The following WDR72 variants were observed in gnomAD, a reference collection of about 807,000 sequenced individuals.
The protein encoded by WDR72 is WD repeat domain 72.
A neutral mutation model predicts 124.2 loss-of-function variants in WDR72; 120 were observed. The observed-to-expected ratio is 0.97, with a 90% confidence interval of 0.83 to 1.12. The LOEUF (loss-of-function observed/expected upper bound fraction) is 1.12. Among genes scored for constraint, WDR72 ranks in the 50% most tolerant of loss-of-function variants. The pLI, the probability that WDR72 is intolerant of heterozygous loss-of-function variation, is 0.00. For missense variants in WDR72, 1,387 were observed against 1,278.8 expected (o/e 1.08, Z -1.29); for synonymous variants, 452 against 441.7 (o/e 1.02, Z -0.29).
chr15:53,702,521 GCCTCACCA>G (rs2017215550), intron 11 of WDR72, among the ~76,000 whole-genome samples, 167 bp from the exon 12 acceptor site: 1 of 152,162 alleles, frequency 6.6e-6, no homozygotes, highest in Non-Finnish European at 1.5e-5. Flanking sequence ...AAAAACAAGT[GCCTCACCA>G]GAAGCCAGAG....
intron 1 of WDR72, among the ~76,000 whole-genome samples, chr15:53,748,191 T>A (rs933589611): frequency 2.6e-5 from 4 of 152,150 alleles, no homozygotes; most frequent in African/African-American, 9.7e-5. Context: ...TTTAACTAAG[T>A]ATTCATGCTA....
At position 53,608,861 on chromosome 15, in the gene WDR72, G is replaced by A. The variant is rs557054261; in HGVS notation, c.2952+652C>T. On this transcript the variant is annotated intron_variant, in intron 17 of 19. Transcript: ENST00000360509. ...TAGCAGAGGCTGGGAAGGGTAGTGT[G>A]GGATAGAGGTAGGTGGGGATGATTA... is the stretch of plus-strand genomic sequence containing the variant. 1.1e-4 allele frequency among the ~76,000 whole-genome samples: 17 copies of A among 152,052 alleles called. No individual in the cohort carries two copies. In the South Asian group the frequency reaches 3.3e-3, roughly 30 times the overall value.
intron 14 of WDR72, among the ~76,000 whole-genome samples, chr15:53,622,944 C>T (rs983315575): frequency 6.6e-6 from 1 of 151,902 alleles, no homozygotes; most frequent in Non-Finnish European, 1.5e-5. Context: ...TTCACAAGAT[C>T]AATAATCAAA....
At chr15:53,630,897 T>G (rs551486514) in intron 14 of WDR72, among the ~76,000 whole-genome samples, 1 of 152,182 alleles carries the variant, frequency 6.6e-6, no homozygotes, top group South Asian at 2.1e-4. Context: ...GGCATCCAGA[T>G]TAGAAAGAAG....
chr15:53,523,408 A>T, intron 18 of WDR72, 86 bp from the exon 19 acceptor site: 1 of 1,256,918 alleles, frequency 8.0e-7, no homozygotes, highest in African/African-American at 1.5e-5. Context: ...ATTTCCTTTC[A>T]GTTCCACAGA....
intron 14 of WDR72, among the ~76,000 whole-genome samples, chr15:53,628,875 G>A (rs1339190471): frequency 6.6e-6 from 1 of 151,874 alleles, no homozygotes; most frequent in Non-Finnish European, 1.5e-5. Flanking sequence ...CAGCTTGGAA[G>A]ACCACAAACG....
chr15:53,564,050 T>C (rs888066830), intron 18 of WDR72, among the ~76,000 whole-genome samples: 4 of 151,904 alleles, frequency 2.6e-5, no homozygotes, highest in Non-Finnish European at 4.4e-5. Context: ...GATTAATTTA[T>C]ACCCTTGAAA....
intron 13 of WDR72, among the ~76,000 whole-genome samples, chr15:53,676,940 T>G (rs1294204656): frequency 6.8e-6 from 1 of 146,062 alleles, no homozygotes; most frequent in African/African-American, 2.7e-5. Flanking sequence ...TTTTTTTTTT[T>G]GACAGAGTCT....
At chr15:53,535,674 G>T (rs1892724600) in intron 18 of WDR72, among the ~76,000 whole-genome samples, 1 of 152,160 alleles carries the variant, frequency 6.6e-6, no homozygotes, top group Non-Finnish European at 1.5e-5. Context: ...TATAGCTAGA[G>T]TAAGGAGGTA....
chr15:53,724,281 T>C (rs1270331068), intron 2 of WDR72, among the ~76,000 whole-genome samples: 1 of 152,094 alleles, frequency 6.6e-6, no homozygotes, highest in Non-Finnish European at 1.5e-5. Flanking sequence ...CCTGAGAGAG[T>C]AGGTCTTAAG....
intron 1 of WDR72, among the ~76,000 whole-genome samples, chr15:53,745,157 GAA>G (rs34318812): frequency 1.3e-5 from 2 of 149,430 alleles, no homozygotes; most frequent in African/African-American, 4.9e-5. Context: ...CTATAAAATG[GAA>G]AAAAAAAATT....
intron 3 of WDR72, among the ~76,000 whole-genome samples, chr15:53,716,895 T>C (rs1431267512): frequency 6.6e-6 from 1 of 152,196 alleles, no homozygotes; most frequent in African/African-American, 2.4e-5. Flanking sequence ...GCTGCCAGCC[T>C]GCAAACCTTA....
At chr15:53,677,335 A>G (rs1349488386) in intron 13 of WDR72, among the ~76,000 whole-genome samples, 2 of 152,036 alleles carry the variant, frequency 1.3e-5, no homozygotes, top group Non-Finnish European at 1.5e-5. Context: ...CCTTTCTTAC[A>G]CCCTAAGTAC....
chr15:53,742,633 T>C (rs548262224), intron 1 of WDR72, among the ~76,000 whole-genome samples: 2 of 152,210 alleles, frequency 1.3e-5, no homozygotes, highest in South Asian at 4.1e-4. Context: ...TAGCATTACT[T>C]CTTGGCCTTT....
At chr15:53,615,392 T>A (rs1329537041) in intron 15 of WDR72, 34 bp downstream of exon 15, 1 of 1,494,848 alleles carries the variant, frequency 6.7e-7, no homozygotes, top group African/African-American at 1.4e-5. Flanking sequence ...AATGTCATAA[T>A]CTAGTATAGT....
chr15:53,592,456 G>A (rs934669924), intron 18 of WDR72, among the ~76,000 whole-genome samples: 2 of 151,956 alleles, frequency 1.3e-5, no homozygotes, highest in African/African-American at 4.8e-5. Flanking sequence ...ACTTCTGCAG[G>A]GCAGGATCAC....
At chr15:53,563,381 G>T (rs1460351109) in intron 18 of WDR72, among the ~76,000 whole-genome samples, 2 of 151,786 alleles carry the variant, frequency 1.3e-5, no homozygotes, top group Non-Finnish European at 2.9e-5. Context: ...CGACTTCAGT[G>T]ACATGTACTT....
intron 14 of WDR72, among the ~76,000 whole-genome samples, chr15:53,637,799 C>T (rs751318499): frequency 6.6e-6 from 1 of 152,248 alleles, no homozygotes; most frequent in South Asian, 2.1e-4. Flanking sequence ...CAATGACTTT[C>T]TGTATCATAT....
At chr15:53,679,669 A>C (rs1276781010) in intron 13 of WDR72, among the ~76,000 whole-genome samples, 1 of 152,192 alleles carries the variant, frequency 6.6e-6, no homozygotes, top group East Asian at 1.9e-4. Context: ...AAGTGTAGCA[A>C]AAGCCAGATT....
Sources: gnomAD v4.1 joint callset for allele counts (sites outside exome capture counted in the v4.1 genomes callset) on GRCh38, gnomAD v4.1.1 for gene constraint, MANE v1.5 for transcripts, NCBI Gene and HGNC (gene_info 2026-07-23, HGNC 2026-07-21) for gene names.